Variants in SPTBN1 observed in about 807,000 individuals in gnomAD.
The protein encoded by SPTBN1 is spectrin beta, non-erythrocytic 1.
A neutral mutation model predicts 266.4 loss-of-function variants in SPTBN1; 32 were observed. The observed-to-expected ratio is 0.12, with a 90% confidence interval of 0.09 to 0.16. SPTBN1 has a LOEUF of 0.16. SPTBN1 is among the 10% of genes least tolerant of loss of function. The pLI is 1.00. For missense variants in SPTBN1, 2,296 were observed against 3,067.1 expected, an observed-to-expected ratio of 0.75 and a Z score of 5.94; for synonymous variants, 1,336 against 1,162.2, an observed-to-expected ratio of 1.15 and a Z score of -3.04.
intron 2 of SPTBN1, among the ~76,000 whole-genome samples, chr2:54,559,851 T>TGAG (rs1208702556): frequency 1.3e-5 from 2 of 152,054 alleles, no homozygotes; most frequent in African/African-American, 2.4e-5. Flanking sequence ...GTGGTTCCTG[T>TGAG]GAGGAGGAGG....
intron 18 of SPTBN1, among the ~76,000 whole-genome samples, chr2:54,641,754 A>G (rs565172903): frequency 2.3e-4 from 34 of 145,018 alleles, no homozygotes; most frequent in Admixed American, 2.0e-3. Context: ...TTTCAGAGCC[A>G]GAGGGCTCCT....
At chr2:54,637,836 T>C (rs1239957531) in intron 18 of SPTBN1, 33 bp downstream of exon 18, 10 of 1,537,806 alleles carry the variant, frequency 6.5e-6, no homozygotes, top group African/African-American at 2.7e-5. Flanking sequence ...TATTCCTGTG[T>C]TCCAGTAATA....
chr2:54,611,072 A>G (rs188513221), intron 3 of SPTBN1, among the ~76,000 whole-genome samples: 322 of 148,552 alleles, frequency 2.2e-3, no homozygotes, highest in Admixed American at 5.0e-3. Flanking sequence ...TGCCATTACA[A>G]TCTGTGTTTG....
At chr2:54,651,029 A>G (rs1364585705) in intron 26 of SPTBN1, among the ~76,000 whole-genome samples, 1 of 152,214 alleles carries the variant, frequency 6.6e-6, no homozygotes, top group Admixed American at 6.5e-5. Flanking sequence ...TGGTTCCCTA[A>G]TAGTTTAAGG....
chr2:54,464,558 A>G (rs562063042), intron 1 of SPTBN1, among the ~76,000 whole-genome samples: 6 of 152,368 alleles, frequency 3.9e-5, no homozygotes, highest in South Asian at 2.1e-4. Context: ...GGAAATTCCC[A>G]TGACTTAATG....
chr2:54,478,955 C>T (rs4129261), intron 1 of SPTBN1, among the ~76,000 whole-genome samples: 45,119 of 151,894 alleles, frequency 0.3, 8,537 homozygotes, highest in African/African-American at 0.54. Flanking sequence ...AGGAGGAAAG[C>T]CCATTGTGTA....
In SPTBN1 at chr2:54,592,388, C is replaced by CTT. The variant is rs11402836; in HGVS notation, c.149-6696_149-6695dup. On this transcript the variant is annotated intron_variant, in intron 2 of 35. Transcript: ENST00000356805. ...TTTCATACTTTTTTTTTTCTTTTTT[C>CTT]TTTTTTTTTATCTGAGACAGAGTTT... 2.6e-3 allele frequency among the ~76,000 whole-genome samples: 378 copies of CTT among 143,796 alleles called. 4 individuals are homozygous for CTT. Among genetic ancestry groups the CTT allele is most frequent in the African/African-American group, 8.7e-3 (343 of 39,326 alleles). 94.3% of individuals were successfully genotyped at this position (143,796 alleles called of 152,430 possible). A position where few individuals can be genotyped will look rare whatever the true frequency, so the allele number is the denominator to read the frequency against.
chr2:54,658,012 A>C lies in SPTBN1; in HGVS notation c.6209A>C (p.Asp2070Ala). 1 of 1,614,258 alleles carries C rather than the reference A, an allele frequency of 6.2e-7. No individual in the cohort carries two copies. The highest frequency in any genetic ancestry group is 8.5e-7 in the Non-Finnish European group (1 of 1,180,038). ...TTTGAAAAGTCTGCAGCAACCTGGG[A>C]TGAGAGGTTCTCTGCCCTGGAAAGG... ...EAFEKSAATW[D>A]ERFSALERLT... Residue 2070 changes from aspartate to alanine, a missense_variant, in exon 30 of 36, where the codon GAT (aspartate) becomes GCT (alanine). Coordinates refer to ENST00000356805, the MANE Select transcript of SPTBN1 (RefSeq NM_003128.3).
chr2:54,658,121 G>T (rs896658702), intron 30 of SPTBN1, 75 bp downstream of exon 30: 2 of 1,534,074 alleles, frequency 1.3e-6, no homozygotes, highest in Non-Finnish European at 1.8e-6. Flanking sequence ...TTAGACCAGG[G>T]AATTCACACG....
intron 1 of SPTBN1, among the ~76,000 whole-genome samples, chr2:54,500,755 C>T (rs756190987): frequency 9.2e-5 from 14 of 152,270 alleles, no homozygotes; most frequent in South Asian, 4.1e-4. Context: ...CCAAGGTGGT[C>T]TCAAACTCCT....
chr2:54,589,431 C>T (rs2104615863), intron 2 of SPTBN1, among the ~76,000 whole-genome samples: 1 of 152,346 alleles, frequency 6.6e-6, no homozygotes, highest in East Asian at 1.9e-4. Context: ...CCTCTGGAAG[C>T]TGCAGGAGGG....
intron 24 of SPTBN1, 99 bp downstream of exon 24, chr2:54,647,360 G>T: frequency 2.7e-6 from 4 of 1,505,018 alleles, no homozygotes; most frequent in Non-Finnish European, 3.6e-6. Flanking sequence ...CATTCATCAT[G>T]ACTTGCTGGT....
At position 54,533,394 on chromosome 2, in the gene SPTBN1, G is replaced by GTGTGTGTC. The variant is rs1365616056; in HGVS notation, c.148+6829_148+6830insGTGTGTCT. 7.4e-6 allele frequency among the ~76,000 whole-genome samples: 1 copy of GTGTGTGTC among 135,082 alleles called. No individual in the cohort carries two copies. Among genetic ancestry groups the GTGTGTGTC allele is most frequent in the Admixed American group, 7.6e-5 (1 of 13,160 alleles). 88.6% of individuals were successfully genotyped at this position (135,082 alleles called of 152,430 possible). On this transcript the variant is annotated intron_variant, in intron 2 of 35. Transcript: ENST00000356805. This position sits in a 1 kb window ranked among gnomAD's most constrained non-coding sequence, Gnocchi z 4.2. ...TGTGTGTGTGTGTGTGTGTGTGTGT[G>GTGTGTGTC]TCTAAACCATTTGACTTCTAGTGAA...
chr2:54,653,936 T>C lies in SPTBN1; in HGVS notation c.5822+83T>C, dbSNP rs1253134660. The C allele has an allele frequency of 6.4e-7, 1 of 1,557,350 alleles. No individual in the cohort carries two copies. On this transcript the variant is annotated intron_variant, in intron 27 of 35. Transcript: ENST00000356805. This position sits in a 1 kb window ranked among gnomAD's most constrained non-coding sequence, Gnocchi z 5.1. Reference sequence around the variant, plus strand: ...GTCTTCCAGAGAGAAGCAGGAGCCTTGAAAGCGTTCCTGCCTGAGCGCTTC... The same window carrying C: ...GTCTTCCAGAGAGAAGCAGGAGCCTCGAAAGCGTTCCTGCCTGAGCGCTTC...
At chr2:54,586,189 C>T (rs1675278578) in intron 2 of SPTBN1, among the ~76,000 whole-genome samples, 1 of 152,076 alleles carries the variant, frequency 6.6e-6, no homozygotes, top group South Asian at 2.1e-4. Context: ...ATTGGTAGTC[C>T]GTGGCTTACT....
At chr2:54,463,422 G>C (rs1693468044) in intron 1 of SPTBN1, among the ~76,000 whole-genome samples, 1 of 152,354 alleles carries the variant, frequency 6.6e-6, no homozygotes, top group Non-Finnish European at 1.5e-5. Context: ...TGGAGCTGGA[G>C]AGAGGTCATG....
At chr2:54,601,166 A>G (rs1676474508) in intron 3 of SPTBN1, among the ~76,000 whole-genome samples, 2 of 152,164 alleles carry the variant, frequency 1.3e-5, no homozygotes, top group Non-Finnish European at 2.9e-5. Context: ...CCAACCTCTT[A>G]GGCAGTCGAT....
chr2:54,624,437 C>G (rs1398426354), intron 10 of SPTBN1, among the ~76,000 whole-genome samples: 3 of 152,156 alleles, frequency 2.0e-5, no homozygotes, highest in Non-Finnish European at 2.9e-5. Flanking sequence ...ATGAGAAATT[C>G]ATATGAATTC....
chr2:54,637,665 A>G, intron 17 of SPTBN1, 48 bp from the exon 18 acceptor site: 2 of 1,433,336 alleles, frequency 1.4e-6, no homozygotes, highest in Non-Finnish European at 2.0e-6. Context: ...GTATTTCAAG[A>G]TTCTCTACTT....
Sources: allele counts gnomAD v4.1 joint callset (sites outside exome capture counted in the v4.1 genomes callset), GRCh38; gene constraint gnomAD v4.1.1; non-coding constraint Gnocchi (gnomAD v3.1); transcripts MANE v1.5; gene names NCBI Gene and HGNC (gene_info 2026-07-23, HGNC 2026-07-21).